Variants in TMEM74 observed in about 807,000 individuals in gnomAD.
TMEM74 encodes transmembrane protein 74.
TMEM74 carries 13 observed loss-of-function variants against 18.1 expected under a neutral mutation model. The ratio of observed to expected loss-of-function variants is 0.72; its 90% CI spans 0.47 to 1.14. The LOEUF is 1.14. Ranked by LOEUF, TMEM74 falls within the 50% of genes most tolerant of loss-of-function variation. The probability of loss-of-function intolerance (pLI) is 0.00; values close to 1 mark genes in which losing one functional copy is unlikely to be tolerated. For missense variants in TMEM74, 372 were observed against 375.9 expected (o/e 0.99, Z 0.09); for synonymous variants, 159 against 146.6 (o/e 1.08, Z -0.61).
At chr8:108,741,479 G>T (rs1813799584) in intron 1 of TMEM74, among the ~76,000 whole-genome samples, 1 of 152,200 alleles carries the variant, frequency 6.6e-6, no homozygotes, top group South Asian at 2.1e-4. Flanking sequence ...GTTTATTTGG[G>T]ACAGCCATGG....
chr8:108,784,702 G>A lies in TMEM74; in HGVS notation c.397C>T (p.His133Tyr). The A allele has an allele frequency of 6.2e-7, 1 of 1,614,210 alleles. No homozygotes were observed. Among genetic ancestry groups the A allele is most frequent in the Non-Finnish European group, 8.5e-7 (1 of 1,180,024 alleles). The change falls in exon 2 of 2, where the codon CAT (histidine) becomes TAT (tyrosine). Residue 133 changes from histidine (H) to tyrosine (Y), a missense_variant. Coordinates refer to ENST00000297459, the MANE Select transcript of TMEM74 (RefSeq NM_153015.3). ...RNRSSPSAKG[H>Y]NHPGELGWEN... ...CAGCCAAGCTCCCCAGGGTGATTAT[G>A]CCCTTTTGCTGATGGCGAGCTCCGG...
intron 2 of TMEM74, among the ~76,000 whole-genome samples, chr8:108,617,470 C>T (rs932961970): frequency 7.9e-5 from 12 of 152,100 alleles, no homozygotes; most frequent in African/African-American, 2.9e-4. Context: ...AGCCCCACTA[C>T]CCCACACTGT....
rs1563543724 is a variant in TMEM74, at chr8:108,756,643, A to AAGGAAGGAAGG, written n.119+30832_119+30833insCCTTCCTTCCT. Among the ~76,000 whole-genome samples the AAGGAAGGAAGG allele has an allele frequency of 2.7e-4, 13 of 49,054 alleles. 1 individual carries two copies. The highest frequency in any genetic ancestry group is 1.1e-3 in the African/African-American group (13 of 11,836). The allele number at this position is 49,054 out of a possible 152,430, so 32.2% of individuals were successfully genotyped here. ...GGAAGGAAGGAAGGAAGGAAGGAAG[A>AAGGAAGGAAGG]AAGAAAGAGAAAGAAAGAAAGAAAG... On this transcript the variant is annotated intron_variant and non_coding_transcript_variant, in intron 1 of 3. Transcript: ENST00000518838.
intron 1 of TMEM74, among the ~76,000 whole-genome samples, chr8:108,690,143 C>A (rs1238393334): frequency 1.3e-5 from 2 of 151,852 alleles, no homozygotes; most frequent in African/African-American, 4.8e-5. Flanking sequence ...AGTCTTGAGT[C>A]AAAATAGATG....
At chr8:108,728,572 A>C (rs1327996299) in intron 1 of TMEM74, among the ~76,000 whole-genome samples, 1 of 152,202 alleles carries the variant, frequency 6.6e-6, no homozygotes. Context: ...AGCACACTGG[A>C]AAACACTGAT....
chr8:108,682,352 C>G (rs1039901811), intron 1 of TMEM74, among the ~76,000 whole-genome samples: 3 of 152,044 alleles, frequency 2.0e-5, no homozygotes, highest in African/African-American at 7.2e-5. Context: ...TGTCACTTTT[C>G]AAAGAGATTT....
chr8:108,682,219 T>C (rs776643525), intron 1 of TMEM74, among the ~76,000 whole-genome samples: 1 of 152,098 alleles, frequency 6.6e-6, no homozygotes, highest in Non-Finnish European at 1.5e-5. Flanking sequence ...CATTATCTTT[T>C]AATTTTTGAG....
intron 2 of TMEM74, among the ~76,000 whole-genome samples, chr8:108,625,512 C>T (rs1443488360): frequency 1.3e-5 from 2 of 151,926 alleles, no homozygotes; most frequent in African/African-American, 4.8e-5. Context: ...TTATCTTGGA[C>T]CGTTCTAGAT....
At chr8:108,621,653 C>T (rs1416707638) in intron 2 of TMEM74, among the ~76,000 whole-genome samples, 1 of 152,130 alleles carries the variant, frequency 6.6e-6, no homozygotes, top group African/African-American at 2.4e-5. Flanking sequence ...TGATTAGCAA[C>T]ATGACATCTC....
At chr8:108,711,832 A>G (rs1813478681) in intron 1 of TMEM74, among the ~76,000 whole-genome samples, 2 of 152,164 alleles carry the variant, frequency 1.3e-5, no homozygotes, top group African/African-American at 4.8e-5. Flanking sequence ...GAAAGTAGGA[A>G]AAGGCATGCC....
At chr8:108,761,207 T>C (rs1283641143) in intron 1 of TMEM74, among the ~76,000 whole-genome samples, 1 of 152,088 alleles carries the variant, frequency 6.6e-6, no homozygotes, top group Non-Finnish European at 1.5e-5. Context: ...GAAGCATGGT[T>C]TCAGGAGTCA....
rs1037844515 is a variant in TMEM74, at chr8:108,786,199, A to G, written c.-39-1062T>C. Among the ~76,000 whole-genome samples the G allele has an allele frequency of 2.0e-5, 3 of 152,230 alleles. No homozygotes were observed. In the South Asian group the frequency reaches 6.2e-4, roughly 32 times the overall value. On this transcript the variant is annotated intron_variant, in intron 1 of 1. Coordinates refer to ENST00000297459, the MANE Select transcript of TMEM74 (RefSeq NM_153015.3). ...TTTCCAAGGTTACCTCTGTAATTTT[A>G]TAAACATGTCACTCCTCACCCCCGA...
intron 2 of TMEM74, among the ~76,000 whole-genome samples, chr8:108,624,394 T>C (rs1156455535): frequency 2.0e-5 from 3 of 152,078 alleles, no homozygotes; most frequent in Non-Finnish European, 4.4e-5. Flanking sequence ...ATACCTTTGC[T>C]TATATTATTC....
chr8:108,767,925 A>T (rs1195086308), intron 1 of TMEM74, among the ~76,000 whole-genome samples: 1 of 152,194 alleles, frequency 6.6e-6, no homozygotes, highest in African/African-American at 2.4e-5. Context: ...TACTCAAAGA[A>T]GATTAGTTGA....
intron 1 of TMEM74, among the ~76,000 whole-genome samples, chr8:108,711,661 T>C (rs1009148650): frequency 2.6e-5 from 4 of 151,998 alleles, no homozygotes; most frequent in African/African-American, 7.3e-5. Flanking sequence ...CACTGGGGAG[T>C]CCTTGAGTCA....
At chr8:108,756,639 GAAGA>G (rs1450666199) in intron 1 of TMEM74, among the ~76,000 whole-genome samples, 3 of 32,690 alleles carry the variant, frequency 9.2e-5, no homozygotes, top group African/African-American at 3.8e-4. Flanking sequence ...AGGAAGGAAG[GAAGA>G]AAGAAAGAGA....
At chr8:108,666,250 C>A (rs115561252) in intron 1 of TMEM74, among the ~76,000 whole-genome samples, 229 of 152,244 alleles carry the variant, frequency 1.5e-3, no homozygotes, top group African/African-American at 5.1e-3. Context: ...AATCAGCTGG[C>A]AACATAGGTG....
At position 108,658,585 on chromosome 8, in the gene TMEM74, G is replaced by T. The variant is rs3019405; in HGVS notation, n.120-3148C>A. On this transcript the variant is annotated intron_variant and non_coding_transcript_variant, in intron 1 of 3. Coordinates refer to the TMEM74 transcript ENST00000518838. ...AATATCAAATGCAGCTGATGACAAG[G>T]ATTATGAGGAAAAAAGATCTCTGAA... Among the ~76,000 whole-genome samples, 2,077 of 152,248 alleles carry T rather than the reference G, an allele frequency of 0.014. 171 individuals are homozygous for T. The East Asian group carries it at 0.23, about 17-fold the overall frequency.
At chr8:108,632,987 C>T (rs925235078) in intron 2 of TMEM74, among the ~76,000 whole-genome samples, 1 of 151,942 alleles carries the variant, frequency 6.6e-6, no homozygotes, top group Non-Finnish European at 1.5e-5. Flanking sequence ...TGATTCCGTA[C>T]TGGGAAGAAG....
Sources: gnomAD v4.1 joint callset for allele counts (sites outside exome capture counted in the v4.1 genomes callset) on GRCh38, gnomAD v4.1.1 for gene constraint, MANE v1.5 for transcripts, NCBI Gene and HGNC (gene_info 2026-07-23, HGNC 2026-07-21) for gene names.